PARD3B: variants seen among roughly 807,000 people sequenced by gnomAD.
PARD3B encodes par-3 family cell polarity regulator beta, also known as partitioning defective 3 homolog B.
PARD3B carries 103 observed loss-of-function variants against 130.2 expected under a neutral mutation model. The observed-to-expected ratio is 0.79, with a 90% CI of 0.67 to 0.93. The LOEUF (loss-of-function observed/expected upper bound fraction) is 0.93, where lower values mean the gene tolerates loss of function less well. Ranked by LOEUF, PARD3B falls within the 40% of genes least tolerant of loss-of-function variation. The probability of loss-of-function intolerance (pLI) is 0.00; values close to 1 mark genes in which losing one functional copy is unlikely to be tolerated. For missense variants in PARD3B, 1,609 were observed against 1,499.2 expected (o/e 1.07, Z -1.21); for synonymous variants, 583 against 553.2 (o/e 1.05, Z -0.76).
intron 18 of PARD3B, among the ~76,000 whole-genome samples, chr2:205,377,521 G>T (rs968073944): frequency 2.0e-5 from 3 of 152,068 alleles, no homozygotes; most frequent in African/African-American, 7.2e-5. Context: ...CCAGCACCCA[G>T]ATGAGCCTAA....
At chr2:205,538,750 G>C (rs531102581) in intron 21 of PARD3B, among the ~76,000 whole-genome samples, 1 of 152,132 alleles carries the variant, frequency 6.6e-6, no homozygotes, top group Non-Finnish European at 1.5e-5. Context: ...GAACTCTACA[G>C]GGCAGGGAAG....
intron 2 of PARD3B, among the ~76,000 whole-genome samples, chr2:204,958,813 G>C (rs527568148): frequency 7.2e-5 from 11 of 152,216 alleles, no homozygotes; most frequent in East Asian, 1.9e-4. Context: ...TAGTGATATT[G>C]ATCATAATAA....
intron 2 of PARD3B, among the ~76,000 whole-genome samples, chr2:204,847,523 A>C (rs1204164400): frequency 6.6e-6 from 1 of 152,176 alleles, no homozygotes; most frequent in African/African-American, 2.4e-5. Flanking sequence ...TTCCAGAAAT[A>C]CACAATTCAT....
At chr2:204,692,766 C>T (rs1245688366) in intron 2 of PARD3B, among the ~76,000 whole-genome samples, 1 of 151,928 alleles carries the variant, frequency 6.6e-6, no homozygotes, top group Non-Finnish European at 1.5e-5. Context: ...AATGAATTAC[C>T]TTGGTCATGA....
chr2:204,692,094 C>A (rs896000915), intron 2 of PARD3B, among the ~76,000 whole-genome samples: 4 of 152,254 alleles, frequency 2.6e-5, no homozygotes, highest in African/African-American at 9.6e-5. Context: ...TTTCTGAACA[C>A]TCTGTTGCCC....
chr2:204,880,380 G>A (rs1396499383), intron 2 of PARD3B, among the ~76,000 whole-genome samples: 1 of 152,144 alleles, frequency 6.6e-6, no homozygotes, highest in African/African-American at 2.4e-5. Flanking sequence ...GCAGCAGAGT[G>A]GTCGAGCGCG....
chr2:205,008,020 A>G (rs1303655933), intron 3 of PARD3B, among the ~76,000 whole-genome samples: 2 of 152,120 alleles, frequency 1.3e-5, no homozygotes, highest in African/African-American at 2.4e-5. Flanking sequence ...GCAGTATAGC[A>G]CTTTATTTTT....
chr2:204,778,526 G>T (rs542996115), intron 2 of PARD3B, among the ~76,000 whole-genome samples: 2 of 152,194 alleles, frequency 1.3e-5, no homozygotes, highest in Non-Finnish European at 2.9e-5. Context: ...TTTGCCAGGT[G>T]GTTGTACATG....
In PARD3B at chr2:205,525,108, A is replaced by C. The variant is rs2051278537; in HGVS notation, c.3180+25077A>C. Among the ~76,000 whole-genome samples the C allele has an allele frequency of 6.6e-6, 1 of 152,188 alleles. No individual in the cohort carries two copies. Among genetic ancestry groups the C allele is most frequent in the Non-Finnish European group, 1.5e-5 (1 of 68,034 alleles). On this transcript the variant is annotated intron_variant, in intron 21 of 22. Coordinates refer to ENST00000406610, the MANE Select transcript of PARD3B (RefSeq NM_001302769.2). This position sits in a 1 kb window ranked among gnomAD's most constrained non-coding sequence, Gnocchi z 4.2. ...TCACAAAGGCTATTTTCTTAGCTGC[A>C]ACTTTCTTATTCACACACAGTAAAG...
intron 20 of PARD3B, among the ~76,000 whole-genome samples, chr2:205,476,756 A>T (rs1186775769): frequency 2.6e-5 from 4 of 152,208 alleles, no homozygotes; most frequent in Admixed American, 6.6e-5. Flanking sequence ...TTTACACAGC[A>T]ATCATTTATC....
At chr2:205,307,109 G>C (rs531220746) in intron 18 of PARD3B, among the ~76,000 whole-genome samples, 2 of 152,300 alleles carry the variant, frequency 1.3e-5, no homozygotes, top group South Asian at 4.1e-4. Context: ...CACCAAGGCT[G>C]GCATCATGAA....
intron 2 of PARD3B, among the ~76,000 whole-genome samples, chr2:204,709,551 C>T (rs923578429): frequency 7.9e-4 from 120 of 152,312 alleles, no homozygotes; most frequent in African/African-American, 2.8e-3. Flanking sequence ...CTACCTTTGG[C>T]TCTCTTTGAA....
At chr2:205,267,218 G>A (rs779962736) in intron 16 of PARD3B, among the ~76,000 whole-genome samples, 1 of 152,074 alleles carries the variant, frequency 6.6e-6, no homozygotes, top group Non-Finnish European at 1.5e-5. Context: ...ACTGTTAACA[G>A]ACTCTTTTAA....
chr2:205,044,477 G>T (rs1698625185), intron 3 of PARD3B, among the ~76,000 whole-genome samples: 2 of 147,272 alleles, frequency 1.4e-5, no homozygotes, highest in Admixed American at 6.8e-5. Flanking sequence ...GTTGTTTCCT[G>T]ACTTTTTAAT....
At chr2:205,420,841 C>T (rs116337846) in intron 19 of PARD3B, among the ~76,000 whole-genome samples, 1,802 of 152,186 alleles carry the variant, frequency 0.012, 18 homozygotes, top group Non-Finnish European at 0.019. Context: ...TCAAGTTTTG[C>T]CTTATGAAAA....
intron 18 of PARD3B, among the ~76,000 whole-genome samples, chr2:205,379,808 A>G (rs2045241081): frequency 6.6e-6 from 1 of 152,026 alleles, no homozygotes; most frequent in African/African-American, 2.4e-5. Context: ...AGTGGCTCAC[A>G]CTTATAATCC....
At chr2:204,850,320 C>T (rs2044655156) in intron 2 of PARD3B, among the ~76,000 whole-genome samples, 2 of 151,892 alleles carry the variant, frequency 1.3e-5, no homozygotes, top group South Asian at 4.2e-4. Context: ...TTCATTCTTC[C>T]AAAAGAGAAG....
At chr2:204,619,632 C>T (rs1253392580) in intron 1 of PARD3B, among the ~76,000 whole-genome samples, 3 of 152,030 alleles carry the variant, frequency 2.0e-5, no homozygotes, top group African/African-American at 7.2e-5. Flanking sequence ...ACTGCAAGCT[C>T]CCATCAGAAT....
At chr2:204,914,363 ATAGT>A (rs764630379) in intron 2 of PARD3B, among the ~76,000 whole-genome samples, 112 of 152,322 alleles carry the variant, frequency 7.4e-4, no homozygotes, top group Non-Finnish European at 6.8e-4. Context: ...TACAACAATA[ATAGT>A]TAGGAAGTCA....
Sources: gnomAD v4.1 joint callset for allele counts (sites outside exome capture counted in the v4.1 genomes callset) on GRCh38, gnomAD v4.1.1 for gene constraint, Gnocchi (gnomAD v3.1) non-coding constraint, MANE v1.5 for transcripts, NCBI Gene and HGNC (gene_info 2026-07-23, HGNC 2026-07-21) for gene names.